The following ZDHHC2 variants were observed in gnomAD, a reference collection of about 807,000 sequenced individuals.
ZDHHC2 encodes the protein palmitoyltransferase ZDHHC2.
Under a neutral mutation model 55.6 loss-of-function variants are expected in ZDHHC2, and 51 were observed. The observed-to-expected ratio is 0.92, with a 90% CI of 0.73 to 1.16. The LOEUF is 1.16. Ranked by LOEUF, ZDHHC2 falls within the 50% of genes most tolerant of loss-of-function variation. The pLI, the probability that ZDHHC2 is intolerant of heterozygous loss-of-function variation, is 0.00. For missense variants in ZDHHC2, 491 were observed against 442.4 expected (o/e 1.11, Z -0.99); for synonymous variants, 199 against 152.9 (o/e 1.30, Z -2.22).
chr8:17,213,908 G>T (rs1035181207), intron 10 of ZDHHC2, among the ~76,000 whole-genome samples: 1 of 152,014 alleles, frequency 6.6e-6, no homozygotes, highest in South Asian at 2.1e-4. Flanking sequence ...TGTTTTTTAA[G>T]ATTTACCTCC....
chr8:17,167,039 G>A (rs922251893), intron 1 of ZDHHC2, among the ~76,000 whole-genome samples: 4 of 152,080 alleles, frequency 2.6e-5, no homozygotes, highest in Admixed American at 6.5e-5. Flanking sequence ...TTTCGTGAGC[G>A]GTAACCATGT....
At chr8:17,215,165 T>C (rs1008760962) in intron 10 of ZDHHC2, 72 bp from the exon 11 acceptor site, 2 of 1,400,582 alleles carry the variant, frequency 1.4e-6, no homozygotes, top group Non-Finnish European at 9.8e-7. Flanking sequence ...GTTCCATACA[T>C]TGAGAAACAA....
chr8:17,200,462 A>G (rs1368884094), intron 6 of ZDHHC2, among the ~76,000 whole-genome samples: 1 of 152,210 alleles, frequency 6.6e-6, no homozygotes, highest in South Asian at 2.1e-4. Context: ...TACTCCAGAT[A>G]TATTCAGCAG....
chr8:17,191,043 C>A (rs950097481), intron 3 of ZDHHC2, among the ~76,000 whole-genome samples: 2 of 144,282 alleles, frequency 1.4e-5, no homozygotes, highest in African/African-American at 5.2e-5. Context: ...CTCACTGCAA[C>A]CTCTGCCTTC....
rs1439612702 is a variant in ZDHHC2 at position 17,220,284 on chromosome 8, G to A, written c.*63G>A. On this transcript the variant is annotated 3_prime_UTR_variant, in exon 13 of 13. Transcript: ENST00000262096. ...TCAATGCTGTAGATGGATGGAAGAG[G>A]CTTCCCACAGGAAGGTGCCACCAGT... 6.6e-6 allele frequency: 1 copy of A among 152,164 alleles called. No homozygotes were observed. Among genetic ancestry groups the A allele is most frequent in the Non-Finnish European group, 1.5e-5 (1 of 68,032 alleles). The allele number at this position is 152,164 out of a possible 1,614,324, so 9.4% of individuals were successfully genotyped here.
At chr8:17,210,258 C>A in intron 9 of ZDHHC2, 130 bp from the exon 10 acceptor site, 2 of 1,061,346 alleles carry the variant, frequency 1.9e-6, no homozygotes, top group Non-Finnish European at 2.7e-6. Context: ...CTATGTTGAG[C>A]TCAATGTCTA....
At chr8:17,161,017 T>C (rs767786965) in intron 1 of ZDHHC2, among the ~76,000 whole-genome samples, 26 of 152,224 alleles carry the variant, frequency 1.7e-4, no homozygotes, top group Non-Finnish European at 3.8e-4. Context: ...CAGCCTGTTA[T>C]ATTCCACAGT....
Position 17,223,881 on chromosome 8 carries a change from G to T in ZDHHC2, c.*3660G>T, listed in dbSNP as rs1808016102. 6.6e-6 allele frequency: 1 copy of T among 151,562 alleles called. No homozygotes were observed. Among genetic ancestry groups the T allele is most frequent in the African/African-American group, 2.4e-5 (1 of 41,332 alleles). 9.4% of individuals were successfully genotyped at this position (151,562 alleles called of 1,614,324 possible). A position where few individuals can be genotyped will look rare whatever the true frequency, so the allele number is the denominator to read the frequency against. The stretch of plus-strand genomic sequence containing the variant: ...TTTTCCATAAGATTTTTTTATTGTA[G>T]TAGTGCCCTGGCTTGTAAACAGTGG... On this transcript the variant is annotated 3_prime_UTR_variant, in exon 13 of 13. Transcript: ENST00000262096.
intron 1 of ZDHHC2, among the ~76,000 whole-genome samples, chr8:17,173,319 G>T (rs1292055658): frequency 6.6e-6 from 1 of 152,160 alleles, no homozygotes; most frequent in Non-Finnish European, 1.5e-5. Flanking sequence ...CTCAGCATTT[G>T]AAATGATAAT....
At chr8:17,168,360 A>G (rs146574515) in intron 1 of ZDHHC2, among the ~76,000 whole-genome samples, 213 of 152,324 alleles carry the variant, frequency 1.4e-3, no homozygotes, top group African/African-American at 4.8e-3. Context: ...ATGTTAAACA[A>G]CAGTGAAAAC....
intron 6 of ZDHHC2, among the ~76,000 whole-genome samples, chr8:17,204,784 C>G (rs1807014101): frequency 6.6e-6 from 1 of 151,976 alleles, no homozygotes; most frequent in Admixed American, 6.6e-5. Context: ...GTCTAACAAA[C>G]CTGCACTTGT....
At chr8:17,196,993 C>T (rs1340999493) in intron 4 of ZDHHC2, among the ~76,000 whole-genome samples, 1 of 151,884 alleles carries the variant, frequency 6.6e-6, no homozygotes, top group African/African-American at 2.4e-5. Context: ...AACTATAAGT[C>T]TCACACATAA....
intron 1 of ZDHHC2, among the ~76,000 whole-genome samples, chr8:17,174,880 G>T (rs1487419353): frequency 1.3e-5 from 2 of 151,332 alleles, no homozygotes; most frequent in Admixed American, 1.3e-4. Context: ...CCAGCTAATT[G>T]TGGGGTTTTT....
intron 1 of ZDHHC2, 76 bp downstream of exon 1, chr8:17,156,929 C>G (rs566881591): frequency 5.2e-6 from 7 of 1,349,130 alleles, no homozygotes; most frequent in Non-Finnish European, 6.8e-6. Context: ...TCAGCCGCTC[C>G]TCCGCTCTCG....
At chr8:17,181,062 C>T (rs936247453) in intron 1 of ZDHHC2, among the ~76,000 whole-genome samples, 5 of 152,180 alleles carry the variant, frequency 3.3e-5, no homozygotes, top group Admixed American at 1.3e-4. Flanking sequence ...AGATTACTTT[C>T]GCTTTTTTCA....
chr8:17,193,793 AG>A (rs1238890897), intron 3 of ZDHHC2, among the ~76,000 whole-genome samples: 1 of 152,104 alleles, frequency 6.6e-6, no homozygotes, highest in Non-Finnish European at 1.5e-5. Flanking sequence ...TTATACTTTA[AG>A]TTCTGGGGTA....
intron 4 of ZDHHC2, among the ~76,000 whole-genome samples, chr8:17,197,176 G>A (rs1008890047): frequency 2.0e-5 from 3 of 152,160 alleles, no homozygotes; most frequent in African/African-American, 7.2e-5. Flanking sequence ...AGTAAAAGGT[G>A]CAAAAACCTG....
chr8:17,163,166 C>A (rs1008052517), intron 1 of ZDHHC2, among the ~76,000 whole-genome samples: 2 of 152,162 alleles, frequency 1.3e-5, no homozygotes, highest in African/African-American at 4.8e-5. Context: ...GAAGGGCAGG[C>A]GAGTGAAGCG....
In ZDHHC2 at chr8:17,187,272, A is replaced by T. The variant is rs569222582; in HGVS notation, c.252+847A>T. On this transcript the variant is annotated intron_variant, in intron 3 of 12. Coordinates refer to ENST00000262096, the MANE Select transcript of ZDHHC2 (RefSeq NM_016353.5). Reference sequence around the variant, plus strand: ...AGATCATTCTGTTTGTTTCTGGATCATGCATCCTGGTTAAACGTTCTTGGA... The same window carrying T: ...AGATCATTCTGTTTGTTTCTGGATCTTGCATCCTGGTTAAACGTTCTTGGA... Among the ~76,000 whole-genome samples the T allele has an allele frequency of 2.0e-5, 3 of 152,356 alleles. 1 individual carries two copies. Among genetic ancestry groups the T allele is most frequent in the African/African-American group, 7.2e-5 (3 of 41,582 alleles).
Sources: allele counts gnomAD v4.1 joint callset (sites outside exome capture counted in the v4.1 genomes callset), GRCh38; gene constraint gnomAD v4.1.1; transcripts MANE v1.5; gene names NCBI Gene and HGNC (gene_info 2026-07-23, HGNC 2026-07-21).